STARD9: variants seen among roughly 807,000 people sequenced by gnomAD.
STARD9 encodes the protein StAR related lipid transfer domain containing 9, also known as stAR-related lipid transfer protein 9.
In STARD9, 346 loss-of-function variants were observed where a neutral mutation model predicts 399.8. That is an observed-to-expected ratio of 0.87 (90% CI 0.79 to 0.95). STARD9 has a LOEUF of 0.95. Among genes scored for constraint, STARD9 ranks in the 40% least tolerant of loss-of-function variants. The pLI is 0.00. For synonymous variants in STARD9, 2,203 were observed against 2,143.5 expected, an observed-to-expected ratio of 1.03 and a Z score of -0.77; for missense variants, 5,832 against 5,667.5, an observed-to-expected ratio of 1.03 and a Z score of -0.93.
intron 3 of STARD9, among the ~76,000 whole-genome samples, chr15:42,610,735 C>T (rs1365100309): frequency 4.6e-5 from 7 of 152,052 alleles, no homozygotes; most frequent in South Asian, 2.1e-4. Flanking sequence ...TTAGTAGAGA[C>T]GGGGTTTCGC....
intron 3 of STARD9, among the ~76,000 whole-genome samples, chr15:42,598,862 G>T (rs1028850963): frequency 1.3e-5 from 2 of 152,060 alleles, no homozygotes; most frequent in Non-Finnish European, 2.9e-5. Flanking sequence ...TGAAGTGAAA[G>T]GCTACTTTTA....
chr15:42,663,979 TTC>T lies in STARD9; in HGVS notation c.1176+67_1176+68del, dbSNP rs549707188. ...TACACAAAGCTTTCCTTATTTTTTT[TTC>T]TCTCGTGATTTCTTTCTCTTTGTAC... On this transcript the variant is annotated intron_variant, in intron 13 of 32. Coordinates refer to ENST00000290607, the MANE Select transcript of STARD9 (RefSeq NM_020759.3). The T allele has an allele frequency of 3.0e-4, 350 of 1,157,238 alleles. 4 individuals are homozygous for T. The South Asian group carries it at 4.3e-3, about 14-fold the overall frequency. The allele number at this position is 1,157,238 out of a possible 1,614,324, so 71.7% of individuals were successfully genotyped here.
rs1219511694 is a variant in STARD9 at position 42,687,326 on chromosome 15, A to T, written c.5748A>T (p.Arg1916=). 1.3e-6 allele frequency: 2 copies of T among 1,536,650 alleles called. No individual in the cohort carries two copies. Among genetic ancestry groups the T allele is most frequent in the African/African-American group, 2.7e-5 (2 of 73,060 alleles). ...TCCTCTTTCGTGAATCTGAGGCACG[A>T]GAGGAAGAAGAGCTGGATCAGAATA... The part of the protein sequence containing the change: ...KSLLFRESEA[R]EEEELDQNTV... The change falls in exon 23 of 33, where the codon CGA becomes CGT. Residue 1916 remains arginine (R), a synonymous_variant. Transcript: ENST00000290607.
Position 42,638,079 on chromosome 15 carries a change from A to G in STARD9, c.438A>G (p.Ile146Met), listed in dbSNP as rs2059452001. 2.0e-6 allele frequency: 3 copies of G among 1,536,940 alleles called. No individual in the cohort carries two copies. Among genetic ancestry groups the G allele is most frequent in the South Asian group, 1.2e-5 (1 of 84,042 alleles). The change falls in exon 6 of 33, where the codon ATA becomes ATG. Residue 146 changes from isoleucine to methionine, a missense_variant. Ile to Met is a conservative substitution (Grantham distance 10). Around this residue, in one of 2 missense-constraint regions of STARD9, gnomAD observed 5,828 missense variants for 5,651.1 expected, o/e 1.03. Transcript: ENST00000290607. ...DCASLPSSCR[I>M]KVSFLEIYNE... Reference sequence around the variant, plus strand: ...CCTCACTGCCTTCCTCCTGTAGGATAAAAGTAAGGTAAGAACCTCCCAAGC... The same window carrying G: ...CCTCACTGCCTTCCTCCTGTAGGATGAAAGTAAGGTAAGAACCTCCCAAGC...
At chr15:42,708,597 T>A (rs989252178) in intron 26 of STARD9, among the ~76,000 whole-genome samples, 10 of 152,250 alleles carry the variant, frequency 6.6e-5, no homozygotes, top group Non-Finnish European at 1.2e-4. Flanking sequence ...CTTTTTCCTA[T>A]TGTGATAGTT....
chr15:42,602,368 C>T (rs1315208313), intron 3 of STARD9, among the ~76,000 whole-genome samples: 1 of 151,894 alleles, frequency 6.6e-6, no homozygotes, highest in African/African-American at 2.4e-5. Flanking sequence ...GTAGAGGGGT[C>T]GTGACTGCAA....
At chr15:42,667,679 A>C (rs940605313) in intron 15 of STARD9, among the ~76,000 whole-genome samples, 4 of 145,030 alleles carry the variant, frequency 2.8e-5, no homozygotes, top group Non-Finnish European at 4.5e-5. Flanking sequence ...GGGTTTCACC[A>C]TGTTGGCCAG....
At chr15:42,604,060 TC>T (rs2058682903) in intron 3 of STARD9, among the ~76,000 whole-genome samples, 1 of 152,208 alleles carries the variant, frequency 6.6e-6, no homozygotes, top group Non-Finnish European at 1.5e-5. Context: ...GTTACCTGTT[TC>T]AAAGTTAAAC....
At chr15:42,631,135 A>G (rs2059324798) in intron 3 of STARD9, among the ~76,000 whole-genome samples, 1 of 152,038 alleles carries the variant, frequency 6.6e-6, no homozygotes, top group Non-Finnish European at 1.5e-5. Flanking sequence ...ATGGACCACC[A>G]TGCCTGGCCA....
At chr15:42,612,178 A>G (rs932260359) in intron 3 of STARD9, among the ~76,000 whole-genome samples, 1 of 152,118 alleles carries the variant, frequency 6.6e-6, no homozygotes, top group Non-Finnish European at 1.5e-5. Context: ...GGGTCTCTCT[A>G]TATTGCCCAA....
rs2060661802 is a variant in STARD9 at position 42,690,363 on chromosome 15, G to A, written c.8785G>A (p.Val2929Ile). Reference protein sequence around the residue: ...RHPREALDGPVFSRNPEGSRT... With the variant: ...RHPREALDGPIFSRNPEGSRT... Reference sequence around the variant, plus strand: ...CCCAAGGGAAGCTTTAGATGGCCCTGTCTTCTCAAGGAACCCTGAAGGCAG... The same window carrying A: ...CCCAAGGGAAGCTTTAGATGGCCCTATCTTCTCAAGGAACCCTGAAGGCAG... Residue 2929 changes from valine to isoleucine, a missense_variant, in exon 23 of 33, where the codon GTC becomes ATC. Transcript: ENST00000290607. The A allele has an allele frequency of 3.3e-6, 5 of 1,537,132 alleles. No homozygotes were observed. Among genetic ancestry groups the A allele is most frequent in the South Asian group, 1.2e-5 (1 of 84,070 alleles).
Position 42,689,778 on chromosome 15 carries a change from AG to A in STARD9, c.8203del (p.Val2735Ter). 6.5e-7 allele frequency: 1 copy of A among 1,537,516 alleles called. No individual in the cohort carries two copies. Among genetic ancestry groups the A allele is most frequent in the Admixed American group, 2.0e-5 (1 of 50,998 alleles). The part of the protein sequence containing the change: ...RSSAPVEEVR[R>X]VVSKKVVAAL... ...TTCAGCACCTGTGGAGGAGGTCAGG[AG>A]GGTAGTATCAAAGAAGGTAGTGGCT... On this transcript the variant is annotated frameshift_variant, in exon 23 of 33. Coordinates refer to ENST00000290607, the MANE Select transcript of STARD9 (RefSeq NM_020759.3). LOFTEE classifies it high-confidence loss of function.
chr15:42,662,665 C>A, intron 10 of STARD9, 129 bp from the exon 11 acceptor site: 1 of 558,740 alleles, frequency 1.8e-6, no homozygotes, highest in Non-Finnish European at 3.0e-6. Flanking sequence ...GAACTGAATT[C>A]TAAAAGGAAT....
chr15:42,660,826 A>C (rs900601376), intron 9 of STARD9, among the ~76,000 whole-genome samples: 1 of 152,050 alleles, frequency 6.6e-6, no homozygotes, highest in Non-Finnish European at 1.5e-5. Flanking sequence ...GCCCCCTGGG[A>C]GGGAGTTGAG....
In STARD9 at chr15:42,575,645, T is replaced by C. The variant is rs1314072048; in HGVS notation, c.-71T>C. Reference sequence around the variant, plus strand: ...CGGGCGGGGCTGGGTTGGGGCTGTGTCTGGGCTTAGGGCGGGGGCCTGGGA... The same window carrying C: ...CGGGCGGGGCTGGGTTGGGGCTGTGCCTGGGCTTAGGGCGGGGGCCTGGGA... On this transcript the variant is annotated 5_prime_UTR_variant, in exon 1 of 33. Transcript: ENST00000290607. The C allele has an allele frequency of 3.3e-6, 5 of 1,502,312 alleles. No homozygotes were observed. Among genetic ancestry groups the C allele is most frequent in the Non-Finnish European group, 4.5e-6 (5 of 1,118,070 alleles). 93.1% of individuals were successfully genotyped at this position (1,502,312 alleles called of 1,614,324 possible).
Position 42,691,120 on chromosome 15 carries a change from T to G in STARD9, c.9542T>G (p.Leu3181Trp). 1 of 1,537,170 alleles carries G rather than the reference T, an allele frequency of 6.5e-7. No homozygotes were observed. Among genetic ancestry groups the G allele is most frequent in the Non-Finnish European group, 8.7e-7 (1 of 1,146,886 alleles). ...GAAAAGCCACAATTTTCCACTGAGT[T>G]GAGGGATCACAATCGCTTGGATTCC... ...FLEKPQFSTE[L>W]RDHNRLDSQA... The change falls in exon 23 of 33, where the codon TTG becomes TGG. Residue 3181 changes from leucine (L) to tryptophan (W), a missense_variant. This residue lies in a region of STARD9 where 5,828 missense variants were observed against 5,651.1 expected (regional missense o/e 1.03). Coordinates refer to ENST00000290607, the MANE Select transcript of STARD9 (RefSeq NM_020759.3).
chr15:42,629,387 T>C (rs2059285850), intron 3 of STARD9, among the ~76,000 whole-genome samples: 1 of 152,204 alleles, frequency 6.6e-6, no homozygotes, highest in African/African-American at 2.4e-5. Context: ...TTGTAGCTAT[T>C]GTAAATGGGA....
At chr15:42,714,269 T>C (rs1357494786) in intron 26 of STARD9, among the ~76,000 whole-genome samples, 1 of 152,094 alleles carries the variant, frequency 6.6e-6, no homozygotes, top group East Asian at 1.9e-4. Flanking sequence ...GGTTTCACCA[T>C]GTTAGCCAGG....
In STARD9 at chr15:42,694,599, G is replaced by A. The variant is rs775882739; in HGVS notation, c.12836G>A (p.Ser4279Asn). Residue 4279 changes from serine (S) to asparagine (N), a missense_variant, in exon 24 of 33, where the codon AGC (serine) becomes AAC (asparagine). Physicochemically the swap from Ser to Asn is conservative, Grantham distance 46 (BLOSUM62 1). Around this residue, in one of 2 missense-constraint regions of STARD9, gnomAD observed 5,828 missense variants for 5,651.1 expected, o/e 1.03. Coordinates refer to ENST00000290607, the MANE Select transcript of STARD9 (RefSeq NM_020759.3). ...CTTGGGAACTTCTGCCGGACGCGAA[G>A]CCTTAGCCCTCAGAAACAACTGAGC... ...ERLGNFCRTR[S>N]LSPQKQLSLL... is the part of the protein sequence containing the mutation. The A allele has an allele frequency of 6.5e-7, 1 of 1,537,222 alleles. No homozygotes were observed.
Sources: gnomAD v4.1 joint callset for allele counts (sites outside exome capture counted in the v4.1 genomes callset) on GRCh38, gnomAD v4.1.1 for gene constraint, gnomAD v4.1.1 regional missense constraint, MANE v1.5 for transcripts, NCBI Gene and HGNC (gene_info 2026-07-23, HGNC 2026-07-21) for gene names.